SLC30A8: variants seen among roughly 807,000 people sequenced by gnomAD.
SLC30A8 encodes proton-coupled zinc antiporter SLC30A8.
A neutral mutation model predicts 36.9 loss-of-function variants in SLC30A8; 27 were observed. That is an observed-to-expected ratio of 0.73 (90% confidence interval 0.54 to 1.01). The LOEUF (loss-of-function observed/expected upper bound fraction) is 1.01. Ranked by LOEUF, SLC30A8 falls within the 50% of genes least tolerant of loss-of-function variation. SLC30A8 has a pLI of 0.00. For missense variants in SLC30A8, 439 were observed against 452.0 expected (o/e 0.97, Z 0.26); for synonymous variants, 164 against 172.4 (o/e 0.95, Z 0.38).
At position 116,957,284 on chromosome 8, in the gene SLC30A8, A is replaced by T. The variant is rs532104221; in HGVS notation, c.-266+6165A>T. Among the ~76,000 whole-genome samples, 7 of 148,816 alleles carry T rather than the reference A, an allele frequency of 4.7e-5. No individual in the cohort carries two copies. In the South Asian group the frequency reaches 8.6e-4, roughly 18 times the overall value. ...TTCTTTTTTTTATTTTTTATTTTTT[A>T]TTTTTTTTTTGAGATGAAGTCTCGC... On this transcript the variant is annotated intron_variant, in intron 1 of 10. Transcript: ENST00000427715.
rs1821303096 is a variant in SLC30A8, at chr8:117,135,211, G to A, written c.-117G>A. On this transcript the variant is annotated 5_prime_UTR_variant, in exon 1 of 8. Coordinates refer to ENST00000456015, the MANE Select transcript of SLC30A8 (RefSeq NM_173851.3). The stretch of plus-strand genomic sequence containing the variant: ...GAAGCTCATTATTTTAATTTCTGGA[G>A]CCTTTTAATTTTTTCTTTAGAAAGT... The A allele has an allele frequency of 5.1e-6, 3 of 590,262 alleles. No homozygotes were observed. Among genetic ancestry groups the A allele is most frequent in the Admixed American group, 3.0e-5 (1 of 33,228 alleles). 36.6% of individuals were successfully genotyped at this position (590,262 alleles called of 1,614,324 possible). A position where few individuals can be genotyped will look rare whatever the true frequency, so the allele number is the denominator to read the frequency against.
At chr8:116,964,308 A>T (rs1442708374) in intron 1 of SLC30A8, among the ~76,000 whole-genome samples, 1 of 152,222 alleles carries the variant, frequency 6.6e-6, no homozygotes, top group Non-Finnish European at 1.5e-5. Context: ...ATTCTAATGA[A>T]CTAAAACCCA....
At chr8:117,146,773 G>A (rs1009601626) in intron 1 of SLC30A8, 181 bp from the exon 2 acceptor site, 525 of 1,397,076 alleles carry the variant, frequency 3.8e-4, no homozygotes, top group Non-Finnish European at 4.5e-4. Context: ...TTGAAGTTTA[G>A]AAGGAAATTT....
Position 117,147,004 on chromosome 8 carries a change from G to C in SLC30A8, c.122G>C (p.Arg41Thr), listed in dbSNP as rs927398701. 1.2e-6 allele frequency: 2 copies of C among 1,613,996 alleles called. No individual in the cohort carries two copies. Among genetic ancestry groups the C allele is most frequent in the African/African-American group, 1.3e-5 (1 of 75,040 alleles). Residue 41 changes from arginine (R) to threonine (T), a missense_variant, in exon 2 of 8, where the codon AGA becomes ACA. Transcript: ENST00000456015. Reference protein sequence around the residue: ...PVNKDQCPRERPEELESGGMY... With the variant: ...PVNKDQCPRETPEELESGGMY... ...AATAAAGATCAGTGTCCCAGAGAGA[G>C]ACCAGAGGAGCTGGAGTCAGGAGGC...
At chr8:116,988,367 C>T (rs1815518222) in intron 1 of SLC30A8, among the ~76,000 whole-genome samples, 1 of 152,200 alleles carries the variant, frequency 6.6e-6, no homozygotes, top group African/African-American at 2.4e-5. Flanking sequence ...TTCTTCTTTC[C>T]GTCTGCTGGC....
At chr8:117,104,112 AAAG>A (rs1461958666) in intron 2 of SLC30A8, among the ~76,000 whole-genome samples, 1 of 152,186 alleles carries the variant, frequency 6.6e-6, no homozygotes, top group Non-Finnish European at 1.5e-5. Context: ...CTCTTCAGCA[AAAG>A]AATGTCCAAC....
chr8:117,134,803 T>G (rs1821282417), upstream of SLC30A8: 1 of 152,018 alleles, frequency 6.6e-6, no homozygotes, highest in Admixed American at 6.6e-5. Context: ...GAGAGACAAG[T>G]AAATTCTGAC....
intron 2 of SLC30A8, among the ~76,000 whole-genome samples, chr8:117,150,060 G>A (rs1822103306): frequency 6.6e-6 from 1 of 152,078 alleles, no homozygotes; most frequent in Non-Finnish European, 1.5e-5. Context: ...CAGCAACCCT[G>A]GTCAGGAATC....
At position 117,127,546 on chromosome 8, in the gene SLC30A8, AAGAC is replaced by A. The variant is rs571882404; in HGVS notation, c.-225-7731_-225-7728del. Among the ~76,000 whole-genome samples the A allele has an allele frequency of 3.2e-3, 480 of 152,216 alleles. 5 individuals are homozygous for A. Among genetic ancestry groups the A allele is most frequent in the African/African-American group, 0.011 (466 of 41,562 alleles). The stretch of plus-strand genomic sequence containing the variant: ...TCACCTTCTTGTGACATTTTCCTGA[AAGAC>A]AGGAAAATATTTGAATTTATATGAC... On this transcript the variant is annotated intron_variant, in intron 2 of 10. Transcript: ENST00000427715.
chr8:116,955,465 C>T (rs1012144163), intron 1 of SLC30A8, among the ~76,000 whole-genome samples: 3 of 152,056 alleles, frequency 2.0e-5, no homozygotes, highest in African/African-American at 7.2e-5. Flanking sequence ...TGCGGTGGCT[C>T]ACACCTGTAA....
At chr8:117,100,928 T>C (rs1474583577) in intron 2 of SLC30A8, among the ~76,000 whole-genome samples, 1 of 152,182 alleles carries the variant, frequency 6.6e-6, no homozygotes, top group Non-Finnish European at 1.5e-5. Flanking sequence ...TTATGCTCTG[T>C]AGTGTCCTTT....
intron 1 of SLC30A8, among the ~76,000 whole-genome samples, chr8:116,965,007 G>A (rs555978507): frequency 1.1e-4 from 17 of 152,316 alleles, no homozygotes; most frequent in Admixed American, 6.5e-4. Context: ...TGTGATCTCA[G>A]CTCACTGCAA....
chr8:116,976,023 G>A (rs1814990409), intron 1 of SLC30A8, among the ~76,000 whole-genome samples: 1 of 152,126 alleles, frequency 6.6e-6, no homozygotes, highest in African/African-American at 2.4e-5. Context: ...AGGAAGGGGA[G>A]AGCCAGCAGG....
intron 2 of SLC30A8, among the ~76,000 whole-genome samples, chr8:117,060,498 C>T (rs531020284): frequency 1.3e-5 from 2 of 152,132 alleles, no homozygotes; most frequent in South Asian, 4.2e-4. Flanking sequence ...GGTGCATAGC[C>T]AAATATAGAT....
At chr8:116,955,576 A>G (rs2130578381) in intron 1 of SLC30A8, among the ~76,000 whole-genome samples, 1 of 152,142 alleles carries the variant, frequency 6.6e-6, no homozygotes, top group South Asian at 2.1e-4. Context: ...CTAAAAATAT[A>G]AAAATTAGCC....
chr8:117,051,069 T>A (rs533531849), intron 2 of SLC30A8, among the ~76,000 whole-genome samples: 29 of 152,328 alleles, frequency 1.9e-4, no homozygotes, highest in Non-Finnish European at 2.2e-4. Context: ...GGTCAGAGTA[T>A]AATCTAAAAA....
chr8:117,022,249 T>G (rs187853872), intron 1 of SLC30A8, among the ~76,000 whole-genome samples: 1 of 151,868 alleles, frequency 6.6e-6, no homozygotes, highest in East Asian at 1.9e-4. Flanking sequence ...AATAGATATA[T>G]GATCTTGAGA....
intron 1 of SLC30A8, among the ~76,000 whole-genome samples, chr8:117,023,531 C>T (rs1174045018): frequency 1.3e-5 from 2 of 152,064 alleles, no homozygotes; most frequent in African/African-American, 4.8e-5. Flanking sequence ...CCATGGAATA[C>T]TATGCAGCCA....
At chr8:117,020,553 ATAAT>A (rs1209295875) in intron 1 of SLC30A8, among the ~76,000 whole-genome samples, 1 of 152,184 alleles carries the variant, frequency 6.6e-6, no homozygotes, top group African/African-American at 2.4e-5. Flanking sequence ...AAAAATCCAA[ATAAT>A]TAAGTATATA....
Sources: allele counts gnomAD v4.1 joint callset (sites outside exome capture counted in the v4.1 genomes callset), GRCh38; gene constraint gnomAD v4.1.1; transcripts MANE v1.5; gene names NCBI Gene and HGNC (gene_info 2026-07-23, HGNC 2026-07-21).